Variants in OR6B3 observed in about 807,000 individuals in gnomAD.
The protein encoded by OR6B3 is olfactory receptor 6B3.
For missense variants in OR6B3, 315 were observed against 427.4 expected, an observed-to-expected ratio of 0.74 and a Z score of 2.32; for synonymous variants, 148 against 187.8, an observed-to-expected ratio of 0.79 and a Z score of 1.73.
upstream of OR6B3, among the ~76,000 whole-genome samples, chr2:240,051,034 T>C (rs963473088): frequency 1.3e-5 from 2 of 152,174 alleles, no homozygotes; most frequent in African/African-American, 4.8e-5. Context: ...ATAAAAATCA[T>C]TTTTTATGAA....
At chr2:240,053,038 G>A in the OR6B3 span, among the ~76,000 whole-genome samples, 4 of 152,028 alleles carry the variant, frequency 2.6e-5, no homozygotes, top group African/African-American at 7.2e-5. The surrounding 1 kb of genome is among the most constrained non-coding windows in gnomAD (Gnocchi z 4.1). Context: ...CTTGACTTCC[G>A]GTGATCCGCC....
chr2:240,048,921 G>A (rs1439486629), upstream of OR6B3, among the ~76,000 whole-genome samples: 4 of 152,206 alleles, frequency 2.6e-5, no homozygotes, highest in Admixed American at 2.0e-4. Flanking sequence ...TGTTACCACC[G>A]TCCTGCCCAT....
the OR6B3 span, among the ~76,000 whole-genome samples, chr2:240,053,267 TTTG>T: frequency 6.6e-6 from 1 of 152,198 alleles, no homozygotes; most frequent in Non-Finnish European, 1.5e-5. This position sits in a 1 kb window ranked among gnomAD's most constrained non-coding sequence, Gnocchi z 4.1. Flanking sequence ...CACTTTGACC[TTTG>T]TTTTTGAAAA....
chr2:240,050,781 T>G (rs1698248397), upstream of OR6B3, among the ~76,000 whole-genome samples: 2 of 148,844 alleles, frequency 1.3e-5, 1 homozygote, highest in East Asian at 4.0e-4. Flanking sequence ...CAGCAGACTC[T>G]AGTACATGCC....
exon 2 of OR6B3, chr2:240,045,712 C>T (rs1222854311): frequency 5.8e-6 from 8 of 1,371,212 alleles, no homozygotes; most frequent in South Asian, 3.5e-5. Context: ...ACGTAGCGGT[C>T]GTAGGCCATG....
rs747332841 is a variant in OR6B3, at chr2:240,045,767, G to A, written c.306C>T (p.Tyr102=). ...CGGTGCACACCAGGGAGCTGAAGAA[G>A]TAGAGCTGCGTCATGCACCCGACGA... The change falls in exon 2 of 2, where the codon TAC becomes TAT. Residue 102 remains tyrosine (Y), a synonymous_variant. Coordinates refer to ENST00000641019, the Ensembl canonical transcript of OR6B3. 2.8e-6 allele frequency: 4 copies of A among 1,425,850 alleles called. No individual in the cohort carries two copies. The South Asian group carries it at 4.6e-5, about 16-fold the overall frequency. The allele number at this position is 1,425,850 out of a possible 1,614,324, so 88.3% of individuals were successfully genotyped here.
chr2:240,047,968 C>T (rs537041859), upstream of OR6B3, among the ~76,000 whole-genome samples: 3 of 151,860 alleles, frequency 2.0e-5, no homozygotes, highest in East Asian at 1.9e-4. Flanking sequence ...AAAAGAAAAC[C>T]GAAAATAAAG....
In OR6B3 at chr2:240,046,003, G is replaced by A; in HGVS notation, c.70C>T (p.Gln24Ter). The A allele has an allele frequency of 1.9e-6, 3 of 1,611,956 alleles. No homozygotes were observed. Among genetic ancestry groups the A allele is most frequent in the Non-Finnish European group, 2.5e-6 (3 of 1,178,232 alleles). Reference sequence around the variant, plus strand: ...AGGAAGAGGAGGAAGAGCAGGTACTGCAGCCCTGGGGCCGTGGGGAAGCCC... The same window carrying A: ...AGGAAGAGGAGGAAGAGCAGGTACTACAGCCCTGGGGCCGTGGGGAAGCCC... Residue 24 changes from glutamine to a stop codon, truncating the protein, a stop_gained, in exon 2 of 2, where the codon CAG (glutamine) becomes TAG (stop). Transcript: ENST00000641019. LOFTEE classifies it low-confidence loss of function (END_TRUNC).
chr2:240,048,846 G>A (rs552438198), upstream of OR6B3, among the ~76,000 whole-genome samples: 2 of 152,184 alleles, frequency 1.3e-5, no homozygotes, highest in Non-Finnish European at 2.9e-5. Flanking sequence ...TACAACTAGA[G>A]GGCTACCCTC....
intron 1 of OR6B3, among the ~76,000 whole-genome samples, chr2:240,046,549 T>G (rs776347480): frequency 3.3e-5 from 5 of 152,188 alleles, no homozygotes; most frequent in Non-Finnish European, 7.3e-5. Context: ...GTTTTAGGGT[T>G]GATTTTACAG....
exon 2 of OR6B3, chr2:240,045,203 G>A (rs1698163067): frequency 3.1e-6 from 5 of 1,614,104 alleles, no homozygotes; most frequent in Middle Eastern, 1.6e-4. Context: ...TCCTCAGGCA[G>A]TATATCAAGG....
At chr2:240,045,895 A>G (rs1386593139) in exon 2 of OR6B3, 22 of 1,597,568 alleles carry the variant, frequency 1.4e-5, no homozygotes, top group Non-Finnish European at 1.8e-5. Flanking sequence ...AGAAAGTAGT[A>G]CATGGGCCTG....
chr2:240,046,246 C>T (rs890465451), intron 1 of OR6B3, 149 bp from the exon 3 acceptor site: 1 of 605,632 alleles, frequency 1.7e-6, no homozygotes, highest in South Asian at 2.0e-5. Context: ...AGCTCCCCAC[C>T]CAGATACATG....
the OR6B3 span, among the ~76,000 whole-genome samples, chr2:240,052,348 G>A: frequency 6.6e-6 from 1 of 152,060 alleles, no homozygotes; most frequent in South Asian, 2.1e-4. The surrounding 1 kb of genome is among the most constrained non-coding windows in gnomAD (Gnocchi z 4.5). Context: ...AAGAAGAAAA[G>A]AGAAGCAGGT....
rs544089126 is a variant in OR6B3, at chr2:240,046,762, A to G, written c.-26+190T>C. Among the ~76,000 whole-genome samples, 3 of 152,324 alleles carry G rather than the reference A, an allele frequency of 2.0e-5. No homozygotes were observed. In the East Asian group the frequency reaches 5.8e-4, roughly 29 times the overall value. On this transcript the variant is annotated intron_variant, in intron 1 of 1. Transcript: ENST00000641019. ...GAAGAGAGAAAACAGATGGCAGCAG[A>G]GAGGAGGAAGTCTAGAACGTTCTCG...
At chr2:240,050,845 G>A (rs1698249122), upstream of OR6B3, among the ~76,000 whole-genome samples, 1 of 151,730 alleles carries the variant, frequency 6.6e-6, no homozygotes, top group Middle Eastern at 3.2e-3. Context: ...GCCAAGTATT[G>A]GAATTAGAAT....
upstream of OR6B3, among the ~76,000 whole-genome samples, chr2:240,050,585 G>C (rs890969494): frequency 3.3e-5 from 5 of 151,988 alleles, no homozygotes; most frequent in African/African-American, 1.2e-4. Context: ...GTCATGGCAG[G>C]CACCTGTAAT....
chr2:240,049,135 A>T (rs541024614), upstream of OR6B3, among the ~76,000 whole-genome samples: 1 of 152,298 alleles, frequency 6.6e-6, no homozygotes, highest in East Asian at 1.9e-4. Flanking sequence ...AAATTTAAGA[A>T]GGGCAGAGGC....
the OR6B3 span, among the ~76,000 whole-genome samples, chr2:240,052,801 A>G: frequency 1.8e-3 from 267 of 152,258 alleles, no homozygotes; most frequent in Non-Finnish European, 3.2e-3. The surrounding 1 kb of genome is among the most constrained non-coding windows in gnomAD (Gnocchi z 4.5). Flanking sequence ...AATCCAATTA[A>G]AGATTATTTG....
Sources: gnomAD v4.1 joint callset for allele counts (sites outside exome capture counted in the v4.1 genomes callset) on GRCh38, gnomAD v4.1.1 for gene constraint, Gnocchi (gnomAD v3.1) non-coding constraint, MANE v1.5 for transcripts, NCBI Gene and HGNC (gene_info 2026-07-23, HGNC 2026-07-21) for gene names.